MTUS2: variants seen among roughly 807,000 people sequenced by gnomAD.
The protein encoded by MTUS2 is microtubule-associated tumor suppressor candidate 2.
MTUS2 carries 40 observed loss-of-function variants against 114.1 expected under a neutral mutation model. The ratio of observed to expected loss-of-function variants is 0.35; its 90% CI spans 0.27 to 0.46. The LOEUF (loss-of-function observed/expected upper bound fraction) is 0.46, where lower values mean the gene tolerates loss of function less well. MTUS2 is among the 20% of genes least tolerant of loss of function. MTUS2 has a pLI of 1.00. For missense variants in MTUS2, 1,679 were observed against 1,705.4 expected (o/e 0.98, Z 0.27); for synonymous variants, 688 against 672.0 (o/e 1.02, Z -0.37).
chr13:29,160,186 G>T (rs1893034317), intron 5 of MTUS2, among the ~76,000 whole-genome samples: 1 of 152,166 alleles, frequency 6.6e-6, no homozygotes, highest in African/African-American at 2.4e-5. Flanking sequence ...AACCACAGTT[G>T]ACCCTTGAGC....
chr13:29,140,702 A>G (rs995599174), intron 5 of MTUS2, among the ~76,000 whole-genome samples: 13 of 152,316 alleles, frequency 8.5e-5, no homozygotes, highest in Middle Eastern at 6.8e-3. Flanking sequence ...GGAAACACCA[A>G]TCACTAGAAA....
At position 29,501,182 on chromosome 13, in the gene MTUS2, C is replaced by T; in HGVS notation, c.3884C>T (p.Thr1295Ile). 1 of 1,613,906 alleles carries T rather than the reference C, an allele frequency of 6.2e-7. No individual in the cohort carries two copies. The highest frequency in any genetic ancestry group is 1.7e-4 in the Middle Eastern group (1 of 6,058). The change falls in exon 15 of 16, where the codon ACA becomes ATA. Residue 1295 changes from threonine (T) to isoleucine (I), a missense_variant. Physicochemically the swap from Thr to Ile is moderately conservative, Grantham distance 89. Transcript: ENST00000612955. Reference sequence around the variant, plus strand: ...CTCAAAGCAAGGATTGACCAAAACACAGTTGTCACCAGGTAGGTGGGCTGG... The same window carrying T: ...CTCAAAGCAAGGATTGACCAAAACATAGTTGTCACCAGGTAGGTGGGCTGG... ...EDLKARIDQN[T>I]VVTRQLSEEN... is the part of the protein sequence containing the mutation.
chr13:29,148,663 A>G (rs1240912684), intron 5 of MTUS2, among the ~76,000 whole-genome samples: 1 of 102,322 alleles, frequency 9.8e-6, no homozygotes, highest in Non-Finnish European at 2.3e-5. Flanking sequence ...TATTTTTAGT[A>G]GAGACGGGGT....
At chr13:28,869,775 C>G (rs894828536) in intron 2 of MTUS2, among the ~76,000 whole-genome samples, 2 of 151,968 alleles carry the variant, frequency 1.3e-5, no homozygotes, top group Non-Finnish European at 2.9e-5. Flanking sequence ...GTCTCCAAAA[C>G]AAAACAAAAC....
chr13:29,062,262 A>C (rs1227251120), intron 4 of MTUS2, among the ~76,000 whole-genome samples: 1 of 152,226 alleles, frequency 6.6e-6, no homozygotes, highest in Non-Finnish European at 1.5e-5. Flanking sequence ...CTGGGATTAC[A>C]GGCATGAGCC....
intron 6 of MTUS2, chr13:29,307,091 T>C: frequency 4.2e-6 from 2 of 480,142 alleles, no homozygotes; most frequent in Non-Finnish European, 8.1e-6. Flanking sequence ...TTCACCATCA[T>C]GGAGAAGTCT....
chr13:28,938,159 C>T (rs888189506), intron 2 of MTUS2, among the ~76,000 whole-genome samples: 3 of 152,108 alleles, frequency 2.0e-5, no homozygotes, highest in East Asian at 1.9e-4. Context: ...CCAAGGCGAG[C>T]GGATCATGAG....
At chr13:29,478,319 G>A (rs111646061) in intron 9 of MTUS2, among the ~76,000 whole-genome samples, 2,697 of 152,298 alleles carry the variant, frequency 0.018, 69 homozygotes, top group African/African-American at 0.061. Context: ...ACAGTGCGGT[G>A]GTTAAGTTGG....
intron 14 of MTUS2, among the ~76,000 whole-genome samples, chr13:29,500,872 A>C (rs1031765247): frequency 6.6e-6 from 1 of 151,936 alleles, no homozygotes; most frequent in Admixed American, 6.6e-5. Flanking sequence ...AATATCTGAA[A>C]TTTGCTACCT....
At chr13:29,287,039 T>C (rs1481063102) in intron 6 of MTUS2, among the ~76,000 whole-genome samples, 1 of 152,208 alleles carries the variant, frequency 6.6e-6, no homozygotes, top group Admixed American at 6.5e-5. Flanking sequence ...AACACTAATA[T>C]ACAGAATCTA....
At chr13:29,010,932 C>T (rs375891623) in intron 2 of MTUS2, among the ~76,000 whole-genome samples, 3 of 152,120 alleles carry the variant, frequency 2.0e-5, no homozygotes, top group East Asian at 1.9e-4. Flanking sequence ...GGGAGAGGTG[C>T]CCCTGGAGTC....
At chr13:28,830,730 A>G (rs1393327894) in intron 1 of MTUS2, among the ~76,000 whole-genome samples, 1 of 152,178 alleles carries the variant, frequency 6.6e-6, no homozygotes, top group Non-Finnish European at 1.5e-5. Flanking sequence ...AAGGGGACAG[A>G]AAGATTACTT....
At position 29,359,469 on chromosome 13, in the gene MTUS2, G is replaced by A. The variant is rs773465650; in HGVS notation, c.3113G>A (p.Arg1038Lys). Residue 1038 changes from arginine to lysine, a missense_variant, in exon 8 of 16, where the codon AGA becomes AAA. Physicochemically the swap from Arg to Lys is conservative, Grantham distance 26. Coordinates refer to ENST00000612955, the MANE Select transcript of MTUS2 (RefSeq NM_001033602.4). ...ALAVATQHFFRKNESALVKEK... is the reference protein window; with the variant it reads ...ALAVATQHFFKKNESALVKEK... Reference sequence around the variant, plus strand: ...GCCGTGGCCACGCAGCATTTCTTTAGAAAGGTGAGGCCCCATTTCGTGAAG... The same window carrying A: ...GCCGTGGCCACGCAGCATTTCTTTAAAAAGGTGAGGCCCCATTTCGTGAAG... 46 of 1,608,516 alleles carry A rather than the reference G, an allele frequency of 2.9e-5. No homozygotes were observed. The highest frequency in any genetic ancestry group is 3.6e-5 in the Non-Finnish European group (43 of 1,178,272).
chr13:29,270,952 G>A (rs1897861564), intron 5 of MTUS2, among the ~76,000 whole-genome samples: 2 of 152,194 alleles, frequency 1.3e-5, no homozygotes, highest in Admixed American at 1.3e-4. Context: ...CCTTGTAAAT[G>A]TTATTGACTT....
chr13:29,357,518 GA>G (rs1274284915), intron 7 of MTUS2, among the ~76,000 whole-genome samples: 5 of 152,144 alleles, frequency 3.3e-5, no homozygotes, highest in Admixed American at 6.5e-5. Context: ...CAATTGTGGG[GA>G]AAAAAATATC....
At chr13:29,244,955 C>CAAAAAAAAAAAAAAAAAAAA (rs56095961) in intron 5 of MTUS2, among the ~76,000 whole-genome samples, 17 of 60,500 alleles carry the variant, frequency 2.8e-4, no homozygotes, top group Admixed American at 6.1e-4. Flanking sequence ...GACTCCGTCT[C>CAAAAAAAAAAAAAAAAAAAA]AAAAAAAAAA....
At chr13:29,217,920 C>T (rs1165334810) in intron 5 of MTUS2, among the ~76,000 whole-genome samples, 3 of 152,084 alleles carry the variant, frequency 2.0e-5, no homozygotes, top group Non-Finnish European at 4.4e-5. Flanking sequence ...GAGTTGGAGA[C>T]CAGCCTGGGC....
chr13:28,955,430 T>C (rs1020590294), intron 2 of MTUS2, among the ~76,000 whole-genome samples: 4 of 152,208 alleles, frequency 2.6e-5, no homozygotes, highest in Non-Finnish European at 2.9e-5. Context: ...GCCAGCCAGA[T>C]GGGAATGTGG....
At chr13:29,420,598 G>C (rs1343366499) in intron 8 of MTUS2, among the ~76,000 whole-genome samples, 1 of 152,118 alleles carries the variant, frequency 6.6e-6, no homozygotes, top group East Asian at 1.9e-4. Flanking sequence ...TTTATAGCAA[G>C]AGTCACATTG....
Sources: gnomAD v4.1 joint callset for allele counts (sites outside exome capture counted in the v4.1 genomes callset) on GRCh38, gnomAD v4.1.1 for gene constraint, MANE v1.5 for transcripts, NCBI Gene and HGNC (gene_info 2026-07-23, HGNC 2026-07-21) for gene names.